Variants in CA5A observed in about 807,000 individuals in gnomAD.
The protein encoded by CA5A is carbonic anhydrase 5A.
Under a neutral mutation model 37.1 loss-of-function variants are expected in CA5A, and 28 were observed. The ratio of observed to expected loss-of-function variants is 0.75; its 90% CI spans 0.56 to 1.03. The LOEUF (loss-of-function observed/expected upper bound fraction) is 1.03, where lower values mean the gene tolerates loss of function less well. Among genes scored for constraint, CA5A ranks in the 50% least tolerant of loss-of-function variants. CA5A has a pLI of 0.00. For synonymous variants in CA5A, 171 were observed against 158.4 expected (o/e 1.08, Z -0.60); for missense variants, 444 against 399.9 (o/e 1.11, Z -0.94).
intron 3 of CA5A, among the ~76,000 whole-genome samples, chr16:87,904,256 C>T (rs892748698): frequency 4.0e-5 from 6 of 151,898 alleles, no homozygotes; most frequent in Admixed American, 1.3e-4. Flanking sequence ...GCAGGAGAAT[C>T]GCTTGAGCCT....
Position 87,902,089 on chromosome 16 carries a change from C to T in CA5A, c.556-115G>A, listed in dbSNP as rs1177065685. ...CAATCCTAGGCCAGGTGCGGTGGCT[C>T]ATGCCTGTGATCCTAGCACTGTGGG... On this transcript the variant is annotated intron_variant, in intron 4 of 6. Coordinates refer to ENST00000649794, the MANE Select transcript of CA5A (RefSeq NM_001739.2). 25 of 937,642 alleles carry T rather than the reference C, an allele frequency of 2.7e-5. No individual in the cohort carries two copies. The East Asian group carries it at 5.4e-4, about 20-fold the overall frequency. 58.1% of individuals were successfully genotyped at this position (937,642 alleles called of 1,614,324 possible). A position where few individuals can be genotyped will look rare whatever the true frequency, so the allele number is the denominator to read the frequency against.
chr16:87,898,557 T>TG (rs1194850443), intron 5 of CA5A, among the ~76,000 whole-genome samples: 1 of 152,184 alleles, frequency 6.6e-6, no homozygotes, highest in East Asian at 1.9e-4. Context: ...CCTTAGTGAT[T>TG]GGGCTGGTGG....
At chr16:87,933,622 G>T (rs1162767693) in intron 1 of CA5A, among the ~76,000 whole-genome samples, 1 of 151,382 alleles carries the variant, frequency 6.6e-6, no homozygotes, top group Non-Finnish European at 1.5e-5. Flanking sequence ...TGCTTGAGCT[G>T]TCCTCCCACA....
intron 1 of CA5A, among the ~76,000 whole-genome samples, chr16:87,932,800 T>C (rs891829764): frequency 2.0e-5 from 3 of 152,196 alleles, no homozygotes; most frequent in African/African-American, 7.2e-5. Context: ...CCAGGTTTGA[T>C]GGTGGTTCAG....
rs1184800427 is a variant in CA5A at position 87,923,641 on chromosome 16, C to T, written c.340+3107G>A. 3.0e-6 allele frequency: 3 copies of T among 985,296 alleles called. No individual in the cohort carries two copies. The Admixed American group carries it at 1.8e-4, about 61-fold the overall frequency. 61.0% of individuals were successfully genotyped at this position (985,296 alleles called of 1,614,324 possible). On this transcript the variant is annotated intron_variant, in intron 2 of 6. Coordinates refer to ENST00000649794, the MANE Select transcript of CA5A (RefSeq NM_001739.2). ...GCTCCACCAGCTGAGGGCTGGGTGT[C>T]AGCTCAGGGTCAGCCACCAGACCCT...
chr16:87,891,607 C>T (rs751282741), intron 6 of CA5A, among the ~76,000 whole-genome samples, 192 bp downstream of exon 6: 4 of 152,196 alleles, frequency 2.6e-5, no homozygotes, highest in Non-Finnish European at 5.9e-5. Context: ...TTGCTGTGAT[C>T]ACTGGAACCG....
At position 87,924,288 on chromosome 16, in the gene CA5A, A is replaced by G. The variant is rs555309999; in HGVS notation, c.340+2460T>C. The G allele has an allele frequency of 3.1e-5, 31 of 985,470 alleles. No individual in the cohort carries two copies. In the South Asian group the frequency reaches 1.1e-3, roughly 36 times the overall value. The allele number at this position is 985,470 out of a possible 1,614,324, so 61.0% of individuals were successfully genotyped here. A position where few individuals can be genotyped will look rare whatever the true frequency, so the allele number is the denominator to read the frequency against. The stretch of plus-strand genomic sequence containing the variant: ...CGGGGGTTGCAGTGGAGCCTGATGA[A>G]GCAACCGTGAATGGCACTGAGCATA... On this transcript the variant is annotated intron_variant, in intron 2 of 6. Transcript: ENST00000649794.
At position 87,916,155 on chromosome 16, in the gene CA5A, A is replaced by G. The variant is rs193121145; in HGVS notation, c.340+10593T>C. 4.4e-3 allele frequency among the ~76,000 whole-genome samples: 643 copies of G among 146,444 alleles called. 9 individuals are homozygous for G. Among genetic ancestry groups the G allele is most frequent in the African/African-American group, 0.015 (569 of 37,998 alleles). On this transcript the variant is annotated intron_variant, in intron 2 of 6. Transcript: ENST00000649794. ...TGCACTCCAGCCTGGGTGACAGAGCAAGACTCCGTCTCAAAAAAAAAAAAA... is the reference window on the plus strand; with the variant it reads ...TGCACTCCAGCCTGGGTGACAGAGCGAGACTCCGTCTCAAAAAAAAAAAAA...
chr16:87,901,867 G>A (rs533205037), intron 5 of CA5A, 45 bp downstream of exon 5: 25 of 1,554,702 alleles, frequency 1.6e-5, no homozygotes, highest in Middle Eastern at 3.4e-4. Context: ...GATTACAGGC[G>A]TGAGCCTCCG....
intron 5 of CA5A, among the ~76,000 whole-genome samples, chr16:87,899,892 C>A (rs1439115316): frequency 2.3e-5 from 3 of 128,718 alleles, no homozygotes; most frequent in East Asian, 4.7e-4. Context: ...TGCACTCCAG[C>A]CTGGGCAACA....
At chr16:87,906,495 C>T (rs534419875) in intron 2 of CA5A, among the ~76,000 whole-genome samples, 61 of 152,078 alleles carry the variant, frequency 4.0e-4, no homozygotes, top group African/African-American at 1.3e-3. Flanking sequence ...GGTGTGGTGG[C>T]GGGTGCCTGT....
chr16:87,923,206 C>T (rs116429646), intron 2 of CA5A, among the ~76,000 whole-genome samples: 68 of 152,156 alleles, frequency 4.5e-4, no homozygotes, highest in African/African-American at 1.3e-3. Flanking sequence ...CTTTTTTTCC[C>T]GCGATGGAGT....
chr16:87,927,512 G>A (rs1377222968), intron 1 of CA5A, among the ~76,000 whole-genome samples: 9 of 152,094 alleles, frequency 5.9e-5, no homozygotes, highest in Admixed American at 2.0e-4. Context: ...CTACTTCCTC[G>A]AGGCTCATTT....
Position 87,922,201 on chromosome 16 carries a change from G to GC in CA5A, c.340+4546dup, listed in dbSNP as rs563971240. On this transcript the variant is annotated intron_variant, in intron 2 of 6. Transcript: ENST00000649794. ...ACTGGTGTGTGAGAACTGTTTGTCAGCCCCCCATAAAATTAGCATTTTATT... is the reference window on the plus strand; with the variant it reads ...ACTGGTGTGTGAGAACTGTTTGTCAGCCCCCCCATAAAATTAGCATTTTATT... 5.9e-3 allele frequency among the ~76,000 whole-genome samples: 897 copies of GC among 152,178 alleles called. 7 individuals are homozygous for GC. The highest frequency in any genetic ancestry group is 0.021 in the African/African-American group (854 of 41,496).
intron 2 of CA5A, among the ~76,000 whole-genome samples, chr16:87,917,808 C>A (rs1472428076): frequency 7.6e-6 from 1 of 132,380 alleles, no homozygotes; most frequent in African/African-American, 3.2e-5. Flanking sequence ...TGCACATGTG[C>A]ACACATGCAC....
At position 87,899,919 on chromosome 16, in the gene CA5A, C is replaced by CAAAAAAAAA. The variant is rs565557401; in HGVS notation, c.618+1984_618+1992dup. 6.4e-4 allele frequency among the ~76,000 whole-genome samples: 30 copies of CAAAAAAAAA among 46,534 alleles called. 1 individual carries two copies. Among genetic ancestry groups the CAAAAAAAAA allele is most frequent in the African/African-American group, 2.4e-3 (29 of 12,274 alleles). 30.5% of individuals were successfully genotyped at this position (46,534 alleles called of 152,430 possible). ...TGGGCAACAGAGCGAGATTTTATCT[C>CAAAAAAAAA]AAAAAAAAAAAAAAAAAAAAAAAAA... is the stretch of plus-strand genomic sequence containing the variant. On this transcript the variant is annotated intron_variant, in intron 5 of 6. Coordinates refer to ENST00000649794, the MANE Select transcript of CA5A (RefSeq NM_001739.2).
chr16:87,922,097 G>C (rs1318330737), intron 2 of CA5A, among the ~76,000 whole-genome samples: 1 of 152,020 alleles, frequency 6.6e-6, no homozygotes, highest in Non-Finnish European at 1.5e-5. Flanking sequence ...GCCTATCACG[G>C]TGCTGGGGTT....
chr16:87,919,203 G>A (rs909581595), intron 2 of CA5A, among the ~76,000 whole-genome samples: 21 of 152,222 alleles, frequency 1.4e-4, no homozygotes, highest in African/African-American at 4.8e-4. Flanking sequence ...GGACCTGAGA[G>A]CAACCGAGTC....
chr16:87,932,191 C>G (rs985401819), intron 1 of CA5A, among the ~76,000 whole-genome samples: 1 of 152,132 alleles, frequency 6.6e-6, no homozygotes, highest in East Asian at 1.9e-4. Context: ...TGCACTCTAC[C>G]CCCCCTCCCA....
Sources: allele counts gnomAD v4.1 joint callset (sites outside exome capture counted in the v4.1 genomes callset), GRCh38; gene constraint gnomAD v4.1.1; transcripts MANE v1.5; gene names NCBI Gene and HGNC (gene_info 2026-07-23, HGNC 2026-07-21).